The following WDPCP variants were observed in gnomAD, a reference collection of about 807,000 sequenced individuals.
WDPCP encodes WD repeat-containing and planar cell polarity effector protein fritz homolog.
A neutral mutation model predicts 93.1 loss-of-function variants in WDPCP; 71 were observed. That is an observed-to-expected ratio of 0.76 (90% CI 0.63 to 0.93). WDPCP has a LOEUF of 0.93. Ranked by LOEUF, WDPCP falls within the 40% of genes least tolerant of loss-of-function variation. The pLI is 0.00. For missense variants in WDPCP, 844 were observed against 887.4 expected, an observed-to-expected ratio of 0.95 and a Z score of 0.62; for synonymous variants, 315 against 315.0, an observed-to-expected ratio of 1.00 and a Z score of 0.00.
At chr2:63,132,857 T>C (rs1370926327) in intron 17 of WDPCP, among the ~76,000 whole-genome samples, 1 of 152,164 alleles carries the variant, frequency 6.6e-6, no homozygotes, top group African/African-American at 2.4e-5. Flanking sequence ...TTTTCAGGGA[T>C]AGTTTCTGCC....
chr2:63,586,939 T>C (rs375710960), intron 1 of WDPCP, among the ~76,000 whole-genome samples: 1 of 152,378 alleles, frequency 6.6e-6, no homozygotes, highest in South Asian at 2.1e-4. Context: ...GTTTGTTACA[T>C]ATGTACGTAT....
At chr2:63,686,564 C>A (rs1367112822) in intron 2 of WDPCP, among the ~76,000 whole-genome samples, 3 of 149,870 alleles carry the variant, frequency 2.0e-5, no homozygotes, top group African/African-American at 7.3e-5. Context: ...CAATGACATC[C>A]TTCAGAGAAA....
At chr2:63,313,940 G>T (rs1396119352) in intron 12 of WDPCP, among the ~76,000 whole-genome samples, 1 of 118,762 alleles carries the variant, frequency 8.4e-6, no homozygotes, top group African/African-American at 3.4e-5. Context: ...GGAGTGCAGG[G>T]GCATGATCTC....
chr2:63,571,554 G>A (rs1417611029), intron 1 of WDPCP: 14 of 470,920 alleles, frequency 3.0e-5, no homozygotes. Flanking sequence ...GTTTATGCCT[G>A]CTATGGTCAC....
At chr2:63,449,482 G>A (rs1698080845) in intron 6 of WDPCP, among the ~76,000 whole-genome samples, 1 of 147,370 alleles carries the variant, frequency 6.8e-6, no homozygotes, top group African/African-American at 2.5e-5. Context: ...GGAAACACCT[G>A]AGGTACAGAA....
At chr2:63,502,699 T>G (rs915044980) in intron 1 of WDPCP, among the ~76,000 whole-genome samples, 1 of 152,136 alleles carries the variant, frequency 6.6e-6, no homozygotes, top group African/African-American at 2.4e-5. Context: ...TCCTTTGTTA[T>G]GAAGTTTGTG....
At chr2:63,771,792 C>T (rs758959283) in intron 2 of WDPCP, among the ~76,000 whole-genome samples, 4 of 151,922 alleles carry the variant, frequency 2.6e-5, no homozygotes, top group Non-Finnish European at 5.9e-5. Flanking sequence ...TAAGTGAGAA[C>T]ATGTATTTAC....
chr2:63,179,243 T>C (rs1674053771), intron 14 of WDPCP, among the ~76,000 whole-genome samples: 1 of 150,946 alleles, frequency 6.6e-6, no homozygotes. Context: ...GGGTAATTTA[T>C]AAAGAAAAGG....
chr2:63,520,292 C>G (rs1396599235), intron 1 of WDPCP, among the ~76,000 whole-genome samples: 1 of 152,124 alleles, frequency 6.6e-6, no homozygotes, highest in Non-Finnish European at 1.5e-5. Context: ...GAAGGGAAAC[C>G]TAGCAACTTG....
chr2:63,373,189 T>TTATC (rs1691550497), intron 12 of WDPCP, among the ~76,000 whole-genome samples: 1 of 151,974 alleles, frequency 6.6e-6, no homozygotes, highest in Non-Finnish European at 1.5e-5. Flanking sequence ...TTTGGAGTAT[T>TTATC]TATCTGGTAT....
intron 10 of WDPCP, among the ~76,000 whole-genome samples, chr2:63,392,295 C>T (rs973528604): frequency 2.6e-5 from 4 of 152,282 alleles, no homozygotes; most frequent in Admixed American, 6.5e-5. Context: ...AAAGGATTCC[C>T]TATTTAATAA....
chr2:63,310,919 C>A (rs943223713), intron 13 of WDPCP, among the ~76,000 whole-genome samples: 3 of 152,254 alleles, frequency 2.0e-5, no homozygotes, highest in African/African-American at 4.8e-5. Context: ...TGCTACCTGG[C>A]CCTTTAGAGG....
intron 2 of WDPCP, among the ~76,000 whole-genome samples, chr2:63,711,118 G>A (rs1669255679): frequency 6.6e-6 from 1 of 152,188 alleles, no homozygotes; most frequent in African/African-American, 2.4e-5. Flanking sequence ...TCATTATCAG[G>A]ATGTTTTCTT....
In WDPCP at chr2:63,488,004, A is replaced by T. The variant is rs1485906651; in HGVS notation, c.161-510T>A. ...TAGAGGAACGTTTGGATACATTATT[A>T]TCTGAAACTTGTTTAGACAGGGAAA... On this transcript the variant is annotated intron_variant, in intron 2 of 17. Transcript: ENST00000272321. Among the ~76,000 whole-genome samples, 4 of 152,224 alleles carry T rather than the reference A, an allele frequency of 2.6e-5. No individual in the cohort carries two copies. In the East Asian group the frequency reaches 7.7e-4, roughly 29 times the overall value.
At chr2:63,676,658 T>C (rs1369347000) in intron 2 of WDPCP, among the ~76,000 whole-genome samples, 1 of 152,126 alleles carries the variant, frequency 6.6e-6, no homozygotes, top group African/African-American at 2.4e-5. Context: ...CAGTGGTTGC[T>C]AGGGGTTAGA....
At chr2:63,808,552 C>T (rs1022914745) in intron 2 of WDPCP, among the ~76,000 whole-genome samples, 3 of 152,242 alleles carry the variant, frequency 2.0e-5, no homozygotes, top group Non-Finnish European at 2.9e-5. Context: ...CTGTGTTGGC[C>T]GGGCTGGTCT....
intron 4 of WDPCP, 54 bp downstream of exon 4, chr2:63,486,488 A>G (rs1324615259): frequency 1.4e-6 from 2 of 1,468,874 alleles, no homozygotes; most frequent in Non-Finnish European, 9.3e-7. Flanking sequence ...AATATTTTAT[A>G]ATACTGAACT....
At chr2:63,515,957 T>G (rs1440839339) in intron 1 of WDPCP, among the ~76,000 whole-genome samples, 1 of 151,672 alleles carries the variant, frequency 6.6e-6, no homozygotes, top group East Asian at 1.9e-4. Context: ...GATACGGAGG[T>G]TGCAGTGAGC....
At chr2:63,252,650 C>G (rs1680828744) in intron 14 of WDPCP, among the ~76,000 whole-genome samples, 1 of 152,096 alleles carries the variant, frequency 6.6e-6, no homozygotes, top group African/African-American at 2.4e-5. Context: ...AGAGCCAAGT[C>G]AAGAACATAA....
Sources: allele counts gnomAD v4.1 joint callset (sites outside exome capture counted in the v4.1 genomes callset), GRCh38; gene constraint gnomAD v4.1.1; transcripts MANE v1.5; gene names NCBI Gene and HGNC (gene_info 2026-07-23, HGNC 2026-07-21).